TDRD9: variants seen among roughly 807,000 people sequenced by gnomAD.
TDRD9 encodes the protein tudor domain containing 9, also known as ATP-dependent RNA helicase TDRD9.
In TDRD9, 124 loss-of-function variants were observed where a neutral mutation model predicts 172.6. The observed-to-expected ratio is 0.72, with a 90% CI of 0.62 to 0.83. TDRD9 has a LOEUF of 0.83. Among genes scored for constraint, TDRD9 ranks in the 40% least tolerant of loss-of-function variants. TDRD9 has a pLI of 0.00. For missense variants in TDRD9, 1,479 were observed against 1,714.1 expected, an observed-to-expected ratio of 0.86 and a Z score of 2.42; for synonymous variants, 619 against 617.1, an observed-to-expected ratio of 1.00 and a Z score of -0.05.
At chr14:103,999,643 A>ATATTTAATCTTTTAATCTTCCTT (rs1566771643) in intron 13 of TDRD9, among the ~76,000 whole-genome samples, 1 of 130,470 alleles carries the variant, frequency 7.7e-6, no homozygotes, top group African/African-American at 3.0e-5. Flanking sequence ...TGTTTTTTAG[A>ATATTTAATCTTTTAATCTTCCTT]AAACCTTTTG....
At chr14:104,025,961 T>G in intron 26 of TDRD9, 86 bp from the exon 27 acceptor site, 1 of 1,028,156 alleles carries the variant, frequency 9.7e-7, no homozygotes, top group Non-Finnish European at 1.5e-6. Context: ...AATTATAGGA[T>G]TAGAGCAGAC....
At chr14:104,027,059 T>C in intron 28 of TDRD9, 120 bp downstream of exon 28, 1 of 1,114,228 alleles carries the variant, frequency 9.0e-7, no homozygotes, top group Non-Finnish European at 1.3e-6. Flanking sequence ...CACCATTTGG[T>C]TTGCTGTACT....
chr14:104,002,506 A>G (rs750493478), intron 13 of TDRD9, among the ~76,000 whole-genome samples: 1 of 152,146 alleles, frequency 6.6e-6, no homozygotes, highest in Non-Finnish European at 1.5e-5. Context: ...GAAGTGAGGT[A>G]CAGAAATGGC....
intron 1 of TDRD9, chr14:103,941,425 G>A: frequency 6.5e-7 from 1 of 1,535,216 alleles, no homozygotes. Context: ...GTTTGGCAAG[G>A]TTGAACTTGT....
intron 1 of TDRD9, among the ~76,000 whole-genome samples, chr14:103,935,273 C>G (rs1182289755): frequency 6.6e-6 from 1 of 152,152 alleles, no homozygotes. Flanking sequence ...TGGCTTAGAC[C>G]AGGCAGGTAG....
intron 1 of TDRD9, among the ~76,000 whole-genome samples, chr14:103,946,514 A>G (rs756376454): frequency 2.0e-5 from 3 of 152,218 alleles, no homozygotes; most frequent in East Asian, 1.9e-4. Context: ...GCCTTTCACC[A>G]CTTTTACTTA....
chr14:104,031,279 T>G lies in TDRD9; in HGVS notation c.3438+16T>G. 6.5e-7 allele frequency: 1 copy of G among 1,542,758 alleles called. No individual in the cohort carries two copies. Among genetic ancestry groups the G allele is most frequent in the African/African-American group, 1.4e-5 (1 of 72,464 alleles). The stretch of plus-strand genomic sequence containing the variant: ...AAACTGTAAGGTGATTGTAGGAGTT[T>G]TAAAATGTAATTTAAAAGCTTAGTA... On this transcript the variant is annotated intron_variant, in intron 29 of 35. Transcript: ENST00000409874.
rs1283052847 is a variant in TDRD9 at position 104,034,929 on chromosome 14, G to C, written c.3620-31G>C. On this transcript the variant is annotated intron_variant, in intron 31 of 35. Transcript: ENST00000409874. ...GCTGCCCTGAGCAGCGTGAGTTAATGCCCGATGTTGATTTAGCATGACTTG... is the reference window on the plus strand; with the variant it reads ...GCTGCCCTGAGCAGCGTGAGTTAATCCCCGATGTTGATTTAGCATGACTTG... The C allele has an allele frequency of 2.0e-6, 3 of 1,522,614 alleles. No homozygotes were observed. In the African/African-American group the frequency reaches 4.1e-5, roughly 21 times the overall value. The allele number at this position is 1,522,614 out of a possible 1,614,324, so 94.3% of individuals were successfully genotyped here. A position where few individuals can be genotyped will look rare whatever the true frequency, so the allele number is the denominator to read the frequency against.
At chr14:104,050,656 C>T (rs2035912282) in intron 35 of TDRD9, among the ~76,000 whole-genome samples, 1 of 152,206 alleles carries the variant, frequency 6.6e-6, no homozygotes, top group Admixed American at 6.5e-5. Context: ...CCCCCTGTGC[C>T]CTGTGCCTAG....
chr14:104,030,747 A>C (rs1427354916), intron 28 of TDRD9, among the ~76,000 whole-genome samples: 1 of 152,148 alleles, frequency 6.6e-6, no homozygotes, highest in Admixed American at 6.5e-5. Flanking sequence ...CAAACACCGC[A>C]TGTTCTCACT....
chr14:103,986,997 C>T (rs187613959), intron 8 of TDRD9, among the ~76,000 whole-genome samples: 9 of 152,202 alleles, frequency 5.9e-5, no homozygotes, highest in African/African-American at 2.2e-4. Flanking sequence ...ACCTGTAGTC[C>T]CAGCTACTCT....
intron 1 of TDRD9, chr14:103,940,971 G>A: frequency 6.5e-7 from 1 of 1,535,446 alleles, no homozygotes; most frequent in South Asian, 1.2e-5. Flanking sequence ...AGCAGTCCAT[G>A]CTCCCTGAGT....
chr14:104,019,265 G>A (rs1436764670), intron 23 of TDRD9, among the ~76,000 whole-genome samples: 3 of 152,212 alleles, frequency 2.0e-5, no homozygotes, highest in Admixed American at 6.5e-5. Context: ...TTGGCTCCCA[G>A]AAGATTGCAG....
chr14:104,015,478 T>G (rs1353220757), intron 21 of TDRD9, among the ~76,000 whole-genome samples: 2 of 152,216 alleles, frequency 1.3e-5, no homozygotes, highest in African/African-American at 2.4e-5. Flanking sequence ...TGGGTGTGTT[T>G]CAAACTGGTA....
At chr14:103,991,048 G>C in intron 8 of TDRD9, 112 bp from the exon 9 acceptor site, 1 of 1,230,568 alleles carries the variant, frequency 8.1e-7, no homozygotes, top group Non-Finnish European at 1.2e-6. Flanking sequence ...ACATTACATT[G>C]GATGACCTGT....
intron 15 of TDRD9, 94 bp downstream of exon 15, chr14:104,005,499 G>T: frequency 7.4e-7 from 1 of 1,351,258 alleles, no homozygotes. Flanking sequence ...CACTAACTCT[G>T]ATCCTCCCGC....
chr14:103,963,956 C>T (rs2032623349), intron 3 of TDRD9, among the ~76,000 whole-genome samples: 1 of 152,122 alleles, frequency 6.6e-6, no homozygotes, highest in South Asian at 2.1e-4. Flanking sequence ...AAAAATGCTG[C>T]ATATAATCTG....
intron 6 of TDRD9, among the ~76,000 whole-genome samples, chr14:103,971,557 G>A (rs1467913246): frequency 6.6e-6 from 1 of 152,002 alleles, no homozygotes; most frequent in African/African-American, 2.4e-5. Flanking sequence ...GCTTGCTTTG[G>A]TCTTCCAAAG....
intron 7 of TDRD9, among the ~76,000 whole-genome samples, chr14:103,981,654 C>T (rs917173318): frequency 6.6e-6 from 1 of 152,140 alleles, no homozygotes; most frequent in East Asian, 1.9e-4. Flanking sequence ...GCATTTAATA[C>T]ACCTGTCCTC....
Sources: allele counts gnomAD v4.1 joint callset (sites outside exome capture counted in the v4.1 genomes callset), GRCh38; gene constraint gnomAD v4.1.1; transcripts MANE v1.5; gene names NCBI Gene and HGNC (gene_info 2026-07-23, HGNC 2026-07-21).